The following TMEM178B variants were observed in gnomAD, a reference collection of about 807,000 sequenced individuals.
TMEM178B encodes transmembrane protein 178B.
A neutral mutation model predicts 31.0 loss-of-function variants in TMEM178B; 5 were observed. The observed-to-expected ratio is 0.16, with a 90% CI of 0.08 to 0.34. The LOEUF (loss-of-function observed/expected upper bound fraction) is 0.34, where lower values mean the gene tolerates loss of function less well. Ranked by LOEUF, TMEM178B falls within the 10% of genes least tolerant of loss-of-function variation. The pLI is 1.00. For synonymous variants in TMEM178B, 164 were observed against 164.0 expected (o/e 1.00, Z 0.00); for missense variants, 275 against 400.3 (o/e 0.69, Z 2.67).
In TMEM178B at chr7:141,318,439, G is replaced by A. The variant is rs1124157; in HGVS notation, c.496+105735G>A. ...GGAAAACCCAAGTGTTTGGTTTCAG[G>A]AAACTGTTCAAGTTTTTATTTAGCT... On this transcript the variant is annotated intron_variant, in intron 2 of 3. Coordinates refer to ENST00000565468, the MANE Select transcript of TMEM178B (RefSeq NM_001195278.2). This position sits in a 1 kb window ranked among gnomAD's most constrained non-coding sequence, Gnocchi z 4.1. Among the ~76,000 whole-genome samples, 74,101 of 152,086 alleles carry A rather than the reference G, an allele frequency of 0.49. 19,015 individuals carry two copies. The highest frequency in any genetic ancestry group is 0.66 in the African/African-American group (27,197 of 41,494).
chr7:141,450,229 A>G (rs775989699), intron 3 of TMEM178B, among the ~76,000 whole-genome samples: 4 of 152,238 alleles, frequency 2.6e-5, no homozygotes, highest in Non-Finnish European at 5.9e-5. Context: ...AAGGACTTCC[A>G]AGATCTGGCT....
intron 1 of TMEM178B, among the ~76,000 whole-genome samples, chr7:141,202,405 A>T (rs1474500027): frequency 6.6e-6 from 1 of 152,190 alleles, no homozygotes; most frequent in Non-Finnish European, 1.5e-5. Flanking sequence ...ATGAAATTCC[A>T]TGTGTGTAAT....
At chr7:141,212,941 A>G (rs907112049) in intron 2 of TMEM178B, among the ~76,000 whole-genome samples, 1 of 152,244 alleles carries the variant, frequency 6.6e-6, no homozygotes, top group Non-Finnish European at 1.5e-5. Context: ...AACTTCGGAA[A>G]CAACTAGCAA....
chr7:141,221,109 A>G lies in TMEM178B; in HGVS notation c.496+8405A>G, dbSNP rs541592350. Among the ~76,000 whole-genome samples, 6 of 152,336 alleles carry G rather than the reference A, an allele frequency of 3.9e-5. No homozygotes were observed. In the East Asian group the frequency reaches 9.7e-4, roughly 25 times the overall value. On this transcript the variant is annotated intron_variant, in intron 2 of 3. Transcript: ENST00000565468. ...CATTGCAGGGGAAAAAAAACAATAT[A>G]TAAGACAAACTACCTTATCTCAGTA...
intron 2 of TMEM178B, among the ~76,000 whole-genome samples, chr7:141,230,431 A>G (rs1394404077): frequency 6.6e-6 from 1 of 152,228 alleles, no homozygotes; most frequent in Non-Finnish European, 1.5e-5. Flanking sequence ...GGTTGAATTT[A>G]AGAAATGGTT....
At chr7:141,433,342 A>G (rs994271345) in intron 2 of TMEM178B, among the ~76,000 whole-genome samples, 1 of 152,010 alleles carries the variant, frequency 6.6e-6, no homozygotes, top group African/African-American at 2.4e-5. Flanking sequence ...GTGCCAGTTC[A>G]TGAGCCTTTT....
chr7:141,403,451 C>CA (rs1334204689), intron 2 of TMEM178B, among the ~76,000 whole-genome samples: 24 of 152,170 alleles, frequency 1.6e-4, no homozygotes, highest in Admixed American at 1.6e-3. Context: ...TAAGAAGTGT[C>CA]AGAGCTCCCA....
the TMEM178B span, among the ~76,000 whole-genome samples, chr7:141,492,843 C>A: frequency 6.6e-6 from 1 of 152,220 alleles, no homozygotes; most frequent in Non-Finnish European, 1.5e-5. Flanking sequence ...CCACCTCCCA[C>A]CTGTGCTTCA....
intron 2 of TMEM178B, among the ~76,000 whole-genome samples, chr7:141,400,116 G>A (rs1383993795): frequency 2.6e-5 from 4 of 152,160 alleles, no homozygotes; most frequent in African/African-American, 4.8e-5. Flanking sequence ...GCTATGGGTC[G>A]TCATGCATCA....
At chr7:141,440,765 C>T (rs1447317514) in intron 3 of TMEM178B, among the ~76,000 whole-genome samples, 1 of 152,190 alleles carries the variant, frequency 6.6e-6, no homozygotes, top group Non-Finnish European at 1.5e-5. Flanking sequence ...CTAAAAGCTG[C>T]CTCTTGCTGA....
chr7:141,292,634 CT>C (rs34248650), intron 2 of TMEM178B, among the ~76,000 whole-genome samples: 10,406 of 105,350 alleles, frequency 0.099, 312 homozygotes, highest in African/African-American at 0.2. Flanking sequence ...GCTTTTAGAT[CT>C]TTTTTTTTTT....
At chr7:141,464,824 A>G (rs935746453) in intron 3 of TMEM178B, among the ~76,000 whole-genome samples, 9 of 151,918 alleles carry the variant, frequency 5.9e-5, no homozygotes, top group African/African-American at 2.2e-4. Context: ...CACCACTCCT[A>G]CTGTCATGAC....
At chr7:141,189,353 G>A (rs192066442) in intron 1 of TMEM178B, among the ~76,000 whole-genome samples, 41 of 152,358 alleles carry the variant, frequency 2.7e-4, no homozygotes, top group Non-Finnish European at 4.9e-4. Flanking sequence ...TCTGGTGTCA[G>A]GAATGAATAG....
intron 2 of TMEM178B, among the ~76,000 whole-genome samples, chr7:141,314,035 CT>C (rs1798958508): frequency 1.3e-5 from 2 of 152,242 alleles, no homozygotes; most frequent in Non-Finnish European, 2.9e-5. Flanking sequence ...AAACTTTTGG[CT>C]GCCTGTGGCG....
chr7:141,284,214 G>A (rs767329922), intron 2 of TMEM178B, among the ~76,000 whole-genome samples: 3 of 152,186 alleles, frequency 2.0e-5, no homozygotes, highest in Non-Finnish European at 4.4e-5. Flanking sequence ...CGGGAGTTGA[G>A]CCTGTCTCCA....
chr7:141,153,180 G>T (rs1796006162), intron 1 of TMEM178B, among the ~76,000 whole-genome samples: 1 of 152,054 alleles, frequency 6.6e-6, no homozygotes, highest in Non-Finnish European at 1.5e-5. Flanking sequence ...TTTTTTCCAT[G>T]TACCCACATG....
intron 1 of TMEM178B, among the ~76,000 whole-genome samples, chr7:141,159,370 C>T (rs147091403): frequency 5.5e-4 from 83 of 152,282 alleles, no homozygotes; most frequent in East Asian, 4.1e-3. Context: ...CCCAGCTCCT[C>T]GCTCTGGAAA....
intron 2 of TMEM178B, among the ~76,000 whole-genome samples, chr7:141,403,978 G>A (rs1563172936): frequency 1.3e-5 from 2 of 152,170 alleles, no homozygotes; most frequent in Non-Finnish European, 2.9e-5. Flanking sequence ...TTCTAGGGCT[G>A]CCATAACCAC....
chr7:141,225,038 G>A (rs1462912614), intron 2 of TMEM178B, among the ~76,000 whole-genome samples: 1 of 152,188 alleles, frequency 6.6e-6, no homozygotes, highest in East Asian at 1.9e-4. Flanking sequence ...TCTGGAAGGT[G>A]CACCACAGTG....
Sources: gnomAD v4.1 joint callset for allele counts (sites outside exome capture counted in the v4.1 genomes callset) on GRCh38, gnomAD v4.1.1 for gene constraint, Gnocchi (gnomAD v3.1) non-coding constraint, MANE v1.5 for transcripts, NCBI Gene and HGNC (gene_info 2026-07-23, HGNC 2026-07-21) for gene names.